The following HHAT variants were observed in gnomAD, a reference collection of about 807,000 sequenced individuals.
HHAT encodes the protein hedgehog acyltransferase, also known as protein-cysteine N-palmitoyltransferase HHAT.
A neutral mutation model predicts 70.8 loss-of-function variants in HHAT; 47 were observed. That is an observed-to-expected ratio of 0.66 (90% CI 0.53 to 0.85). The LOEUF (loss-of-function observed/expected upper bound fraction) is 0.85, where lower values mean the gene tolerates loss of function less well. Among genes scored for constraint, HHAT ranks in the 40% least tolerant of loss-of-function variants. HHAT has a pLI of 0.00. For missense variants in HHAT, 609 were observed against 604.8 expected, an observed-to-expected ratio of 1.01 and a Z score of -0.07; for synonymous variants, 228 against 247.6, an observed-to-expected ratio of 0.92 and a Z score of 0.74.
chr1:210,414,679 A>G (rs1311866970), intron 6 of HHAT, among the ~76,000 whole-genome samples: 2 of 152,272 alleles, frequency 1.3e-5, no homozygotes, highest in Non-Finnish European at 1.5e-5. Flanking sequence ...GGGCCCAAAT[A>G]TTCACAACAT....
intron 7 of HHAT, among the ~76,000 whole-genome samples, chr1:210,418,851 G>A (rs1233240315): frequency 6.6e-6 from 1 of 152,062 alleles, no homozygotes; most frequent in African/African-American, 2.4e-5. Flanking sequence ...TGGCCAAGAA[G>A]GTGAAATCAT....
At chr1:210,368,947 G>A (rs574916452) in intron 3 of HHAT, among the ~76,000 whole-genome samples, 3 of 152,110 alleles carry the variant, frequency 2.0e-5, no homozygotes, top group Admixed American at 6.5e-5. Flanking sequence ...ATGTGGTGGC[G>A]GGTGCCTATA....
At chr1:210,459,312 G>GAT (rs1351885267) in intron 7 of HHAT, among the ~76,000 whole-genome samples, 2 of 152,180 alleles carry the variant, frequency 1.3e-5, no homozygotes, top group African/African-American at 4.8e-5. Context: ...GAAGTACTGT[G>GAT]ATACAGTTCG....
chr1:210,611,607 G>A (rs919341224), intron 10 of HHAT, among the ~76,000 whole-genome samples: 2 of 152,048 alleles, frequency 1.3e-5, no homozygotes, highest in African/African-American at 4.8e-5. Flanking sequence ...AACAGTTTCT[G>A]CTTTTGCCCA....
At chr1:210,501,680 C>T (rs2094757743) in intron 8 of HHAT, among the ~76,000 whole-genome samples, 1 of 152,196 alleles carries the variant, frequency 6.6e-6, no homozygotes. Flanking sequence ...TTTTTCCCTT[C>T]AGTTCTTATG....
At chr1:210,373,328 A>AT (rs1199253901) in intron 3 of HHAT, among the ~76,000 whole-genome samples, 1 of 152,068 alleles carries the variant, frequency 6.6e-6, no homozygotes, top group Non-Finnish European at 1.5e-5. Flanking sequence ...GAGGGAAAAC[A>AT]TTTCCTTCTC....
intron 8 of HHAT, among the ~76,000 whole-genome samples, chr1:210,501,186 A>G (rs935054255): frequency 3.5e-4 from 54 of 152,318 alleles, no homozygotes; most frequent in Middle Eastern, 3.4e-3. Flanking sequence ...TCTAGCCTCT[A>G]ATGCCATGCC....
intron 3 of HHAT, among the ~76,000 whole-genome samples, chr1:210,378,956 T>G (rs2090432855): frequency 6.6e-6 from 1 of 152,242 alleles, no homozygotes; most frequent in Non-Finnish European, 1.5e-5. Context: ...ATGGTTCCAT[T>G]GCAGACAGCA....
intron 9 of HHAT, among the ~76,000 whole-genome samples, chr1:210,581,099 T>C (rs879351275): frequency 1.3e-5 from 2 of 152,232 alleles, no homozygotes; most frequent in Admixed American, 1.3e-4. Flanking sequence ...TTCTTTCATA[T>C]GTTTATTGGT....
intron 10 of HHAT, among the ~76,000 whole-genome samples, chr1:210,612,227 T>G (rs1473031062): frequency 6.6e-6 from 1 of 152,212 alleles, no homozygotes; most frequent in East Asian, 1.9e-4. Flanking sequence ...TTAAGGGGTA[T>G]TAAAAACATT....
intron 9 of HHAT, among the ~76,000 whole-genome samples, chr1:210,574,362 A>T (rs1235953600): frequency 6.6e-6 from 1 of 152,188 alleles, no homozygotes; most frequent in Admixed American, 6.5e-5. Context: ...GGGGTGGAGA[A>T]TCTATTTTGG....
intron 7 of HHAT, among the ~76,000 whole-genome samples, chr1:210,424,035 T>C (rs2092984152): frequency 6.6e-6 from 1 of 152,236 alleles, no homozygotes; most frequent in South Asian, 2.1e-4. Context: ...CTTTTGTGGT[T>C]CCACACAATT....
intron 2 of HHAT, among the ~76,000 whole-genome samples, chr1:210,356,538 T>C (rs993876572): frequency 1.3e-5 from 2 of 152,204 alleles, no homozygotes; most frequent in Non-Finnish European, 2.9e-5. Context: ...TCTTTGTTTT[T>C]ATATAGTTGT....
chr1:210,567,422 A>G (rs1031631688), intron 9 of HHAT, among the ~76,000 whole-genome samples: 1 of 152,182 alleles, frequency 6.6e-6, no homozygotes, highest in African/African-American at 2.4e-5. Context: ...AATTTCCCAG[A>G]GTAGTTTCAT....
At chr1:210,427,667 A>G (rs560955351) in intron 7 of HHAT, among the ~76,000 whole-genome samples, 1 of 152,240 alleles carries the variant, frequency 6.6e-6, no homozygotes, top group East Asian at 1.9e-4. Flanking sequence ...GGTCCAAGAG[A>G]CTATGTTATG....
Position 210,654,662 on chromosome 1 carries a change from G to A in HHAT, c.1391-19626G>A, listed in dbSNP as rs563615230. On this transcript the variant is annotated intron_variant, in intron 11 of 11. Transcript: ENST00000261458. The stretch of plus-strand genomic sequence containing the variant: ...CAATAAGTGTTGAATGATGAGAGTC[G>A]CATGATGGTTAGTTTATCTTCAGAT... Among the ~76,000 whole-genome samples the A allele has an allele frequency of 7.2e-5, 11 of 152,302 alleles. No homozygotes were observed. The East Asian group carries it at 9.6e-4, about 13-fold the overall frequency.
chr1:210,577,636 G>GTTTTTTTTTTT (rs1558198901), intron 9 of HHAT, among the ~76,000 whole-genome samples: 4 of 93,486 alleles, frequency 4.3e-5, no homozygotes, highest in African/African-American at 1.3e-4. Context: ...TGGCCTGTAG[G>GTTTTTTTTTTT]ATTTTTTTTT....
intron 6 of HHAT, among the ~76,000 whole-genome samples, chr1:210,406,485 C>T (rs1455312067): frequency 1.3e-5 from 2 of 152,088 alleles, no homozygotes; most frequent in East Asian, 1.9e-4. Flanking sequence ...CCTCCACCTC[C>T]TGGGTTCAAG....
chr1:210,410,255 A>G (rs1289972145), intron 6 of HHAT, among the ~76,000 whole-genome samples: 9 of 151,172 alleles, frequency 6.0e-5, no homozygotes, highest in African/African-American at 1.9e-4. Context: ...ACGAGGTTTC[A>G]TCGTGTTAGC....
Sources: gnomAD v4.1 joint callset for allele counts (sites outside exome capture counted in the v4.1 genomes callset) on GRCh38, gnomAD v4.1.1 for gene constraint, MANE v1.5 for transcripts, NCBI Gene and HGNC (gene_info 2026-07-23, HGNC 2026-07-21) for gene names.